PCDHA4: variants seen among roughly 807,000 people sequenced by gnomAD.
The protein encoded by PCDHA4 is protocadherin alpha-4.
PCDHA4 carries 49 observed loss-of-function variants against 61.4 expected under a neutral mutation model. The observed-to-expected ratio is 0.80, with a 90% CI of 0.63 to 1.01. The LOEUF (loss-of-function observed/expected upper bound fraction) is 1.01. Ranked by LOEUF, PCDHA4 falls within the 50% of genes least tolerant of loss-of-function variation. The pLI, the probability that PCDHA4 is intolerant of heterozygous loss-of-function variation, is 0.00. For synonymous variants in PCDHA4, 590 were observed against 550.3 expected, an observed-to-expected ratio of 1.07 and a Z score of -1.01; for missense variants, 1,254 against 1,235.8, an observed-to-expected ratio of 1.01 and a Z score of -0.22.
chr5:140,999,015 C>G (rs2097843117), intron 3 of PCDHA4, among the ~76,000 whole-genome samples: 1 of 152,280 alleles, frequency 6.6e-6, no homozygotes, highest in East Asian at 1.9e-4. Context: ...GATTTGAACC[C>G]AAGACTTTTG....
At chr5:140,853,407 GA>G (rs1453850147) in intron 1 of PCDHA4, 1 of 986,146 alleles carries the variant, frequency 1.0e-6, no homozygotes, top group African/African-American at 1.8e-5. Flanking sequence ...TCAAAACAGA[GA>G]GGTGAAAGCA....
Position 140,828,319 on chromosome 5 carries a change from G to A in PCDHA4, c.2385+18747G>A, listed in dbSNP as rs2150153971. The A allele has an allele frequency of 4.5e-5, 73 of 1,614,234 alleles. No individual in the cohort carries two copies. In the East Asian group the frequency reaches 1.0e-3, roughly 23 times the overall value. On this transcript the variant is annotated intron_variant, in intron 1 of 3. Coordinates refer to ENST00000530339, the MANE Select transcript of PCDHA4 (RefSeq NM_018907.4). The stretch of plus-strand genomic sequence containing the variant: ...CCAAAGACCGCGAGGACCTTCTGGA[G>A]GTAAATCTGCAGAATGGCATTTTGT...
Position 140,978,928 on chromosome 5 carries a change from ACT to A in PCDHA4, c.2386-16_2386-15del. ...CATTGTCTTGTCATTTTAACAGAAA[ACT>A]CTCTTTGTGATTTTGCAGCCACGAC... On this transcript the variant is annotated intron_variant, in intron 1 of 3. Coordinates refer to ENST00000530339, the MANE Select transcript of PCDHA4 (RefSeq NM_018907.4). The A allele has an allele frequency of 6.2e-7, 1 of 1,613,190 alleles. No homozygotes were observed. Among genetic ancestry groups the A allele is most frequent in the Admixed American group, 1.7e-5 (1 of 59,890 alleles).
intron 1 of PCDHA4, chr5:140,877,670 C>T: frequency 6.8e-6 from 11 of 1,613,654 alleles, no homozygotes; most frequent in Non-Finnish European, 7.6e-6. Flanking sequence ...AGCCGGTGCG[C>T]GCCGGGCAAG....
At chr5:140,903,695 A>G (rs1325722558) in intron 1 of PCDHA4, among the ~76,000 whole-genome samples, 9 of 152,238 alleles carry the variant, frequency 5.9e-5, no homozygotes, top group African/African-American at 1.7e-4. Flanking sequence ...AATAGTTTAA[A>G]ATAGTAATAA....
chr5:140,978,240 C>G (rs1290697340), intron 1 of PCDHA4, among the ~76,000 whole-genome samples: 1 of 152,174 alleles, frequency 6.6e-6, no homozygotes, highest in African/African-American at 2.4e-5. Flanking sequence ...TGGATTTCAG[C>G]TACTCCCTGT....
At chr5:140,871,183 G>A (rs782647681) in intron 1 of PCDHA4, 2 of 1,613,586 alleles carry the variant, frequency 1.2e-6, no homozygotes, top group South Asian at 2.2e-5. Flanking sequence ...TGCGCTGGTG[G>A]ATGTCAACGT....
chr5:140,994,314 C>T (rs936811729), intron 3 of PCDHA4, among the ~76,000 whole-genome samples: 4 of 152,192 alleles, frequency 2.6e-5, no homozygotes, highest in African/African-American at 9.6e-5. Flanking sequence ...AGGGCCCAAA[C>T]ACTCTCAGCA....
chr5:141,001,286 A>G (rs1375093882), intron 3 of PCDHA4, among the ~76,000 whole-genome samples: 1 of 152,160 alleles, frequency 6.6e-6, no homozygotes, highest in Non-Finnish European at 1.5e-5. Context: ...TACGGATGAA[A>G]ACTGAGGCCC....
intron 2 of PCDHA4, 91 bp from the exon 3 acceptor site, chr5:140,982,384 C>T (rs1245752901): frequency 6.3e-7 from 1 of 1,584,990 alleles, no homozygotes; most frequent in African/African-American, 1.3e-5. Context: ...GCAGCCCTGG[C>T]TTCATAGTTG....
intron 1 of PCDHA4, chr5:140,869,931 G>C (rs2051507983): frequency 6.2e-7 from 1 of 1,611,492 alleles, no homozygotes; most frequent in Admixed American, 1.7e-5. Flanking sequence ...TCAATGGAGA[G>C]GTAACATACT....
At chr5:140,865,279 T>C (rs2048807818) in intron 1 of PCDHA4, 1 of 152,232 alleles carries the variant, frequency 6.6e-6, no homozygotes, top group African/African-American at 2.4e-5. Flanking sequence ...TATGTAAAAT[T>C]ACTTTGCTCT....
At position 140,876,665 on chromosome 5, in the gene PCDHA4, T is replaced by C. The variant is rs781830697; in HGVS notation, c.2385+67093T>C. 98 of 1,614,080 alleles carry C rather than the reference T, an allele frequency of 6.1e-5. 1 individual carries two copies. The South Asian group carries it at 9.4e-4, about 16-fold the overall frequency. ...ACACCTCATGTTCCCTTCAAGCTGG[T>C]GTCCACCTACAAGAATTACTACTCG... On this transcript the variant is annotated intron_variant, in intron 1 of 3. Coordinates refer to ENST00000530339, the MANE Select transcript of PCDHA4 (RefSeq NM_018907.4).
rs1205449386 is a variant in PCDHA4 at position 140,856,525 on chromosome 5, G to A, written c.2385+46953G>A. The A allele has an allele frequency of 2.5e-6, 4 of 1,598,294 alleles. 1 individual carries two copies. The highest frequency in any genetic ancestry group is 8.6e-7 in the Non-Finnish European group (1 of 1,167,878). On this transcript the variant is annotated intron_variant, in intron 1 of 3. Transcript: ENST00000530339. ...TTCCACTAGAAGGCGCATCTGATGC[G>A]GATGTTGGAGAGAACGCATTGCTTA... is the stretch of plus-strand genomic sequence containing the variant.
At chr5:140,869,418 C>G in intron 1 of PCDHA4, 1 of 1,614,174 alleles carries the variant, frequency 6.2e-7, no homozygotes, top group Non-Finnish European at 8.5e-7. Flanking sequence ...GCAGCATCCA[C>G]CTGGAGGTGA....
chr5:140,884,699 C>A, intron 1 of PCDHA4: 3 of 1,500,334 alleles, frequency 2.0e-6, no homozygotes, highest in Non-Finnish European at 2.7e-6. Context: ...TTAGTAAACA[C>A]TTTAGCCTTC....
intron 1 of PCDHA4, among the ~76,000 whole-genome samples, chr5:140,941,916 A>G (rs191775899): frequency 2.8e-3 from 421 of 152,316 alleles, no homozygotes; most frequent in Middle Eastern, 6.8e-3. Flanking sequence ...GCTTTTATGT[A>G]TATCTTAAAA....
At chr5:140,851,092 A>T (rs371116217) in intron 1 of PCDHA4, 1 of 1,292,902 alleles carries the variant, frequency 7.7e-7, no homozygotes, top group African/African-American at 1.5e-5. Flanking sequence ...TATTAAATAG[A>T]TATTTTTTGG....
chr5:140,967,310 G>A (rs2096126313), intron 1 of PCDHA4: 1 of 1,611,338 alleles, frequency 6.2e-7, no homozygotes, highest in East Asian at 2.2e-5. Context: ...CGCCAACTCA[G>A]TACAGACCTA....
Sources: allele counts gnomAD v4.1 joint callset (sites outside exome capture counted in the v4.1 genomes callset), GRCh38; gene constraint gnomAD v4.1.1; transcripts MANE v1.5; gene names NCBI Gene and HGNC (gene_info 2026-07-23, HGNC 2026-07-21).